TOM1L2: variants seen among roughly 807,000 people sequenced by gnomAD.
TOM1L2 encodes the protein target of myb1 like 2 membrane trafficking protein.
In TOM1L2, 31 loss-of-function variants were observed where a neutral mutation model predicts 67.9. That is an observed-to-expected ratio of 0.46 (90% confidence interval 0.34 to 0.62). The LOEUF is 0.62. Among genes scored for constraint, TOM1L2 ranks in the 20% least tolerant of loss-of-function variants. TOM1L2 has a pLI of 0.01. For synonymous variants in TOM1L2, 256 were observed against 254.0 expected (o/e 1.01, Z -0.07); for missense variants, 606 against 663.5 (o/e 0.91, Z 0.95).
At chr17:17,919,189 C>T (rs2039751083) in intron 1 of TOM1L2, among the ~76,000 whole-genome samples, 1 of 152,240 alleles carries the variant, frequency 6.6e-6, no homozygotes, top group Non-Finnish European at 1.5e-5. Context: ...TAACAGCACT[C>T]TCTCACACAG....
At chr17:17,962,483 T>C (rs2041723629) in intron 1 of TOM1L2, among the ~76,000 whole-genome samples, 2 of 152,126 alleles carry the variant, frequency 1.3e-5, no homozygotes, top group Non-Finnish European at 2.9e-5. Flanking sequence ...CGGCTAATTT[T>C]TTTGTATTTT....
chr17:17,861,544 A>G lies in TOM1L2; in HGVS notation c.1210T>C (p.Tyr404His), dbSNP rs1338194353. 1 of 1,613,898 alleles carries G rather than the reference A, an allele frequency of 6.2e-7. No individual in the cohort carries two copies. Among genetic ancestry groups the G allele is most frequent in the Non-Finnish European group, 8.5e-7 (1 of 1,179,976 alleles). Residue 404 changes from tyrosine to histidine, a missense_variant, in exon 12 of 15, where the codon TAT becomes CAT. Tyr to His is a moderately conservative substitution (Grantham distance 83). Coordinates refer to ENST00000379504, the MANE Select transcript of TOM1L2 (RefSeq NM_001082968.2). ...CCTCCGACAGCCTGAGGATCCTCAT[A>G]GGTTACCCTGGAGATGAAGAAGCAG... ...SLAEQRKTVT[Y>H]EDPQAVGGLA...
intron 1 of TOM1L2, among the ~76,000 whole-genome samples, chr17:17,912,675 G>T (rs1358248431): frequency 1.3e-5 from 2 of 150,702 alleles, no homozygotes; most frequent in African/African-American, 2.4e-5. Context: ...GATGGCGGCC[G>T]GACGGAGACG....
At chr17:17,864,709 G>A (rs2036751997) in intron 10 of TOM1L2, among the ~76,000 whole-genome samples, 1 of 151,948 alleles carries the variant, frequency 6.6e-6, no homozygotes, top group Non-Finnish European at 1.5e-5. Flanking sequence ...ATGGGGTTTT[G>A]CCATGTTGGT....
Position 17,869,455 on chromosome 17 carries a change from G to A in TOM1L2, c.796C>T (p.Arg266Trp), listed in dbSNP as rs775756759. The A allele has an allele frequency of 2.3e-5, 37 of 1,610,670 alleles. No individual in the cohort carries two copies. Among genetic ancestry groups the A allele is most frequent in the Admixed American group, 3.3e-5 (2 of 59,920 alleles). Residue 266 changes from arginine (R) to tryptophan (W), a missense_variant, in exon 8 of 15, where the codon CGG becomes TGG. This residue lies in a region of TOM1L2 where 543 missense variants were observed against 554.0 expected (regional missense o/e 0.98). Coordinates refer to ENST00000379504, the MANE Select transcript of TOM1L2 (RefSeq NM_001082968.2). ...ELLQELNRTC[R>W]AMQQRIVELI... ...TCCACGATGCGCTGCTGCATGGCCC[G>A]ACAGGTCCTGTTGAGCTCCTAGGGA...
At chr17:17,955,337 T>TG (rs1321843238) in intron 1 of TOM1L2, among the ~76,000 whole-genome samples, 1 of 147,346 alleles carries the variant, frequency 6.8e-6, no homozygotes, top group African/African-American at 2.6e-5. Flanking sequence ...TTTTTTTTTT[T>TG]TTTTTTTTTT....
intron 7 of TOM1L2, chr17:17,871,949 T>G (rs1039672573): frequency 7.5e-5 from 74 of 983,800 alleles, no homozygotes; most frequent in Non-Finnish European, 8.8e-5. Flanking sequence ...AAGAGAAAAC[T>G]CCACAAAATA....
At chr17:17,957,008 A>G (rs1309915448) in intron 1 of TOM1L2, among the ~76,000 whole-genome samples, 2 of 152,236 alleles carry the variant, frequency 1.3e-5, no homozygotes, top group African/African-American at 2.4e-5. Context: ...AACGGCTGCC[A>G]GCACGCTGTC....
At chr17:17,937,529 C>T (rs1412109455) in intron 1 of TOM1L2, among the ~76,000 whole-genome samples, 1 of 152,180 alleles carries the variant, frequency 6.6e-6, no homozygotes, top group East Asian at 1.9e-4. Context: ...TTCTTTCCTG[C>T]CTTTTTGTGT....
chr17:17,886,699 T>C (rs1172782050), intron 4 of TOM1L2, among the ~76,000 whole-genome samples: 1 of 152,242 alleles, frequency 6.6e-6, no homozygotes, highest in African/African-American at 2.4e-5. Context: ...TTTCAATTCA[T>C]CTAGCTCTCT....
At chr17:17,945,513 T>C (rs1026416050) in intron 1 of TOM1L2, among the ~76,000 whole-genome samples, 14 of 152,184 alleles carry the variant, frequency 9.2e-5, no homozygotes, top group East Asian at 3.8e-4. Context: ...AGATCTGCTA[T>C]TGATGAAAAG....
chr17:17,879,763 A>G lies in TOM1L2; in HGVS notation c.661-20T>C, dbSNP rs778535220. 3.1e-6 allele frequency: 5 copies of G among 1,595,578 alleles called. No homozygotes were observed. In the Admixed American group the frequency reaches 5.0e-5, roughly 16 times the overall value. On this transcript the variant is annotated intron_variant, in intron 6 of 14. Coordinates refer to ENST00000379504, the MANE Select transcript of TOM1L2 (RefSeq NM_001082968.2). ...GGCAATCTGGTGGGGGCCACGAGGAAGGAAAGCAGGAAGGAAAGGTCAGTC... is the reference window on the plus strand; with the variant it reads ...GGCAATCTGGTGGGGGCCACGAGGAGGGAAAGCAGGAAGGAAAGGTCAGTC...
intron 1 of TOM1L2, among the ~76,000 whole-genome samples, chr17:17,969,935 A>G: frequency 6.6e-6 from 1 of 152,170 alleles, no homozygotes; most frequent in East Asian, 1.9e-4. Context: ...GGGGTCACAC[A>G]GCCAAGAAAT....
intron 1 of TOM1L2, among the ~76,000 whole-genome samples, chr17:17,969,112 G>A (rs1228909345): frequency 3.3e-5 from 5 of 149,912 alleles, no homozygotes; most frequent in African/African-American, 7.4e-5. Flanking sequence ...GCTGGAGCGC[G>A]GTGGCACAAT....
At chr17:17,894,117 T>C (rs533474021) in intron 3 of TOM1L2, among the ~76,000 whole-genome samples, 15 of 152,242 alleles carry the variant, frequency 9.9e-5, no homozygotes, top group Non-Finnish European at 2.1e-4. Flanking sequence ...TCAAAATGAC[T>C]GAGCGGTCCC....
In TOM1L2 at chr17:17,847,736, G is replaced by C. The variant is rs751129069; in HGVS notation, c.1423C>G (p.Pro475Ala). 1 of 1,614,090 alleles carries C rather than the reference G, an allele frequency of 6.2e-7. No homozygotes were observed. Among genetic ancestry groups the C allele is most frequent in the South Asian group, 1.1e-5 (1 of 91,088 alleles). ...TCCATGGGGGGCGAGGGGAGGTCGG[G>C]AACCATTTCAGCAGCTTTGGCTCTT... ...EERAKAAEMV[P>A]DLPSPPMEAP... The change falls in exon 15 of 15, where the codon CCC becomes GCC. Residue 475 changes from proline to alanine, a missense_variant. Around this residue, in one of 2 missense-constraint regions of TOM1L2, gnomAD observed 543 missense variants for 554.0 expected, o/e 0.98. Transcript: ENST00000379504.
chr17:17,904,555 C>A (rs1488065007), intron 2 of TOM1L2, among the ~76,000 whole-genome samples: 1 of 152,086 alleles, frequency 6.6e-6, no homozygotes. Flanking sequence ...GGGTTTTTAA[C>A]CTAAGTGCCT....
chr17:17,916,629 G>T (rs140667401), intron 1 of TOM1L2, among the ~76,000 whole-genome samples: 377 of 152,312 alleles, frequency 2.5e-3, no homozygotes, highest in African/African-American at 8.5e-3. Flanking sequence ...ATTGGTCCAT[G>T]TGTCTTTCCT....
At chr17:17,967,420 A>C (rs1311008424) in intron 1 of TOM1L2, among the ~76,000 whole-genome samples, 1 of 152,272 alleles carries the variant, frequency 6.6e-6, no homozygotes, top group Non-Finnish European at 1.5e-5. Context: ...ACTGCTGCAG[A>C]CACAATGGAC....
Sources: allele counts gnomAD v4.1 joint callset (sites outside exome capture counted in the v4.1 genomes callset), GRCh38; gene constraint gnomAD v4.1.1; regional missense constraint gnomAD v4.1.1; transcripts MANE v1.5; gene names NCBI Gene and HGNC (gene_info 2026-07-23, HGNC 2026-07-21).